The following MARCHF11 variants were observed in gnomAD, a reference collection of about 807,000 sequenced individuals.
MARCHF11 encodes E3 ubiquitin-protein ligase MARCHF11.
MARCHF11 carries 29 observed loss-of-function variants against 37.3 expected under a neutral mutation model. That is an observed-to-expected ratio of 0.78 (90% confidence interval 0.58 to 1.06). MARCHF11 has a LOEUF of 1.06. Ranked by LOEUF, MARCHF11 falls within the 50% of genes least tolerant of loss-of-function variation. The probability of loss-of-function intolerance (pLI) is 0.00; values close to 1 mark genes in which losing one functional copy is unlikely to be tolerated. For synonymous variants in MARCHF11, 233 were observed against 228.0 expected (o/e 1.02, Z -0.20); for missense variants, 482 against 533.4 (o/e 0.90, Z 0.95).
intron 2 of MARCHF11, among the ~76,000 whole-genome samples, chr5:16,097,055 C>T (rs910692655): frequency 6.6e-6 from 1 of 152,142 alleles, no homozygotes; most frequent in Non-Finnish European, 1.5e-5. Flanking sequence ...ATACTGTGCG[C>T]TATGACAGGT....
At chr5:16,111,774 C>T (rs1345481603) in intron 2 of MARCHF11, among the ~76,000 whole-genome samples, 1 of 152,168 alleles carries the variant, frequency 6.6e-6, no homozygotes, top group African/African-American at 2.4e-5. Flanking sequence ...GCAGCCCCTC[C>T]CATCATAGGC....
intron 3 of MARCHF11, among the ~76,000 whole-genome samples, chr5:16,089,426 C>T (rs1736754820): frequency 6.6e-6 from 1 of 152,108 alleles, no homozygotes; most frequent in Non-Finnish European, 1.5e-5. Flanking sequence ...TATGCATTAT[C>T]ACATTTCATG....
intron 2 of MARCHF11, among the ~76,000 whole-genome samples, chr5:16,098,373 G>A (rs542896161): frequency 2.4e-4 from 37 of 152,284 alleles, no homozygotes; most frequent in Admixed American, 7.8e-4. Context: ...CTTTAAAACT[G>A]TCTCTCTTTT....
chr5:16,090,041 C>T lies in MARCHF11; in HGVS notation c.886+848G>A, dbSNP rs1410229168. Among the ~76,000 whole-genome samples the T allele has an allele frequency of 1.1e-4, 16 of 152,236 alleles. No homozygotes were observed. The East Asian group carries it at 2.5e-3, about 24-fold the overall frequency. Reference sequence around the variant, plus strand: ...GGGCTGTAAAACCCAGATGGCTGGGCCCCACCCCTGATGTTCCTAATTCAG... The same window carrying T: ...GGGCTGTAAAACCCAGATGGCTGGGTCCCACCCCTGATGTTCCTAATTCAG... On this transcript the variant is annotated intron_variant, in intron 3 of 3. Coordinates refer to ENST00000332432, the MANE Select transcript of MARCHF11 (RefSeq NM_001102562.3).
chr5:16,099,084 A>G (rs142935178), intron 2 of MARCHF11, among the ~76,000 whole-genome samples: 74 of 152,278 alleles, frequency 4.9e-4, no homozygotes, highest in African/African-American at 1.6e-3. Context: ...TTTTCTTTGT[A>G]AAAAGAGGAA....
At chr5:16,157,221 G>A (rs988206456) in intron 2 of MARCHF11, among the ~76,000 whole-genome samples, 5 of 116,162 alleles carry the variant, frequency 4.3e-5, no homozygotes, top group South Asian at 2.7e-4. Flanking sequence ...ATGAAATCCC[G>A]TGTTTGTGGA....
At chr5:16,141,099 T>G (rs536061634) in intron 2 of MARCHF11, 1 of 152,352 alleles carries the variant, frequency 6.6e-6, no homozygotes, top group Non-Finnish European at 1.5e-5. Context: ...ATTTTGTGAG[T>G]TGGAGAATTG....
At position 16,179,280 on chromosome 5, in the gene MARCHF11, G is replaced by A. The variant is rs987269729; in HGVS notation, c.296C>T (p.Ala99Val). ...LQPAGQEVAAAGDSGEGPRRL... is the reference protein window; with the variant it reads ...LQPAGQEVAAVGDSGEGPRRL... Reference sequence around the variant, plus strand: ...CCTCGGACCTTCCCCGGAGTCGCCGGCCGCCGCCACTTCCTGGCCGGCGGG... The same window carrying A: ...CCTCGGACCTTCCCCGGAGTCGCCGACCGCCGCCACTTCCTGGCCGGCGGG... Residue 99 changes from alanine to valine, a missense_variant, in exon 1 of 4, where the codon GCC becomes GTC. Ala to Val is a moderately conservative substitution (Grantham distance 64). Coordinates refer to ENST00000332432, the MANE Select transcript of MARCHF11 (RefSeq NM_001102562.3). The A allele has an allele frequency of 1.5e-6, 2 of 1,300,386 alleles. No homozygotes were observed. The highest frequency in any genetic ancestry group is 4.3e-5 in the South Asian group (2 of 47,014). The allele number at this position is 1,300,386 out of a possible 1,614,324, so 80.6% of individuals were successfully genotyped here.
At chr5:16,140,111 C>T (rs547653823) in intron 2 of MARCHF11, among the ~76,000 whole-genome samples, 1 of 152,046 alleles carries the variant, frequency 6.6e-6, no homozygotes, top group Non-Finnish European at 1.5e-5. Flanking sequence ...TTGCAGAAAA[C>T]AGTGAAAATA....
chr5:16,078,924 T>C (rs6872146), intron 3 of MARCHF11, among the ~76,000 whole-genome samples: 10,140 of 152,176 alleles, frequency 0.067, 1,046 homozygotes, highest in African/African-American at 0.23. Context: ...TTGGAATTCC[T>C]ACAGCCTCTC....
intron 2 of MARCHF11, among the ~76,000 whole-genome samples, chr5:16,120,996 T>A (rs1737300714): frequency 6.6e-6 from 1 of 152,258 alleles, no homozygotes; most frequent in Non-Finnish European, 1.5e-5. Flanking sequence ...TTTGGGATGC[T>A]TTGTTATGTG....
chr5:16,162,770 CAAAT>C (rs1192935694), intron 2 of MARCHF11, among the ~76,000 whole-genome samples: 2 of 151,792 alleles, frequency 1.3e-5, no homozygotes, highest in Non-Finnish European at 2.9e-5. Flanking sequence ...AATGGATGAA[CAAAT>C]AAATGAATAC....
chr5:16,105,603 G>A lies in MARCHF11; in HGVS notation c.694-14522C>T, dbSNP rs887037504. ...CTGGCCAGAACACCTGACAGTCCAG[G>A]AAGAGAGGAGACACTTGGCCAATGG... is the stretch of plus-strand genomic sequence containing the variant. On this transcript the variant is annotated intron_variant, in intron 2 of 3. Transcript: ENST00000332432. Among the ~76,000 whole-genome samples the A allele has an allele frequency of 4.1e-4, 63 of 152,128 alleles. 1 individual carries two copies. The highest frequency in any genetic ancestry group is 3.1e-3 in the Admixed American group (48 of 15,280).
chr5:16,072,960 C>G (rs1736463171), intron 3 of MARCHF11, among the ~76,000 whole-genome samples: 1 of 152,148 alleles, frequency 6.6e-6, no homozygotes, highest in African/African-American at 2.4e-5. Flanking sequence ...ACTGTATAAA[C>G]TTTGCTTAAA....
Position 16,067,395 on chromosome 5 carries a change from C to G in MARCHF11, c.*76G>C, listed in dbSNP as rs1181182137. 2.2e-6 allele frequency: 3 copies of G among 1,337,572 alleles called. No individual in the cohort carries two copies. Among genetic ancestry groups the G allele is most frequent in the Non-Finnish European group, 3.1e-6 (3 of 961,320 alleles). 82.9% of individuals were successfully genotyped at this position (1,337,572 alleles called of 1,614,324 possible). On this transcript the variant is annotated 3_prime_UTR_variant, in exon 4 of 4. Coordinates refer to ENST00000332432, the MANE Select transcript of MARCHF11 (RefSeq NM_001102562.3). ...GTTCATAGATGTGTTTTTAGAAGTGCTATGGTTTTGCCATTCACTGCAATT... is the reference window on the plus strand; with the variant it reads ...GTTCATAGATGTGTTTTTAGAAGTGGTATGGTTTTGCCATTCACTGCAATT...
chr5:16,100,116 T>C (rs1171441984), intron 2 of MARCHF11, among the ~76,000 whole-genome samples: 1 of 152,068 alleles, frequency 6.6e-6, no homozygotes, highest in Non-Finnish European at 1.5e-5. Flanking sequence ...CTGGGATAAG[T>C]GTCCAAGACC....
intron 2 of MARCHF11, among the ~76,000 whole-genome samples, chr5:16,161,098 C>A (rs1259467513): frequency 6.6e-6 from 1 of 151,892 alleles, no homozygotes; most frequent in Non-Finnish European, 1.5e-5. Flanking sequence ...AGGTTTGTTA[C>A]ATATGTATAC....
At chr5:16,147,593 G>GAGTAA (rs1737820023) in intron 2 of MARCHF11, among the ~76,000 whole-genome samples, 1 of 152,102 alleles carries the variant, frequency 6.6e-6, no homozygotes, top group South Asian at 2.1e-4. Context: ...TCTCCTCTAT[G>GAGTAA]AGTAAAGAGG....
intron 2 of MARCHF11, among the ~76,000 whole-genome samples, chr5:16,172,908 TC>T (rs1447657734): frequency 6.6e-6 from 1 of 152,180 alleles, no homozygotes; most frequent in Non-Finnish European, 1.5e-5. Context: ...CTGATTCAAA[TC>T]CATTATGATG....
Sources: gnomAD v4.1 joint callset for allele counts (sites outside exome capture counted in the v4.1 genomes callset) on GRCh38, gnomAD v4.1.1 for gene constraint, MANE v1.5 for transcripts, NCBI Gene and HGNC (gene_info 2026-07-23, HGNC 2026-07-21) for gene names.